The following KIF23 variants were observed in gnomAD, a reference collection of about 807,000 sequenced individuals.
KIF23 encodes kinesin-like protein KIF23.
Under a neutral mutation model 137.5 loss-of-function variants are expected in KIF23, and 30 were observed. The observed-to-expected ratio is 0.22, with a 90% CI of 0.16 to 0.30. The LOEUF (loss-of-function observed/expected upper bound fraction) is 0.30, where lower values mean the gene tolerates loss of function less well. KIF23 is among the 10% of genes least tolerant of loss of function. The probability of loss-of-function intolerance (pLI) is 1.00; values close to 1 mark genes in which losing one functional copy is unlikely to be tolerated. For missense variants in KIF23, 920 were observed against 1,194.3 expected (o/e 0.77, Z 3.38); for synonymous variants, 367 against 391.1 (o/e 0.94, Z 0.73).
intron 7 of KIF23, among the ~76,000 whole-genome samples, chr15:69,425,055 C>T (rs1447906566): frequency 6.6e-6 from 1 of 152,150 alleles, no homozygotes; most frequent in African/African-American, 2.4e-5. Flanking sequence ...AATGAACATA[C>T]AAGGGTGCTT....
Position 69,421,666 on chromosome 15 carries a change from A to T in KIF23, c.230A>T (p.Gln77Leu), listed in dbSNP as rs150290143. Residue 77 changes from glutamine to leucine, a missense_variant, in exon 4 of 24, where the codon CAA (glutamine) becomes CTA (leucine). Around this residue, in one of 4 missense-constraint regions of KIF23, gnomAD observed 124 missense variants for 122.0 expected, o/e 1.02. Coordinates refer to ENST00000679126, the MANE Select transcript of KIF23 (RefSeq NM_001367805.3). ...CCACAGACTCAGTATTCATTTAAAC[A>T]AGTATTTGGCACTCACACCACCCAG... is the stretch of plus-strand genomic sequence containing the variant. ...DYKETQYSFK[Q>L]VFGTHTTQKE... 6.2e-6 allele frequency: 10 copies of T among 1,611,930 alleles called. No homozygotes were observed. Among genetic ancestry groups the T allele is most frequent in the Non-Finnish European group, 7.6e-6 (9 of 1,178,150 alleles).
intron 19 of KIF23, 149 bp downstream of exon 19, chr15:69,441,228 A>T: frequency 3.8e-6 from 3 of 781,902 alleles, no homozygotes; most frequent in Non-Finnish European, 5.9e-6. Context: ...AGATTGACTT[A>T]CGGAAATTGA....
chr15:69,436,757 A>ATTT, intron 15 of KIF23, 35 bp downstream of exon 15: 1 of 1,359,042 alleles, frequency 7.4e-7, no homozygotes, highest in Non-Finnish European at 9.8e-7. Context: ...ATTTTATTTA[A>ATTT]TTATTTTTTT....
intron 2 of KIF23, among the ~76,000 whole-genome samples, chr15:69,416,338 A>G (rs2056906805): frequency 6.6e-6 from 1 of 152,132 alleles, no homozygotes; most frequent in Non-Finnish European, 1.5e-5. Flanking sequence ...ATAATTAAAA[A>G]TCTCCAACTG....
At chr15:69,429,848 C>G (rs2057309686) in intron 11 of KIF23, among the ~76,000 whole-genome samples, 1 of 151,912 alleles carries the variant, frequency 6.6e-6, no homozygotes, top group Admixed American at 6.6e-5. Flanking sequence ...TGATGAAACC[C>G]CATCTCTACA....
intron 19 of KIF23, among the ~76,000 whole-genome samples, chr15:69,441,950 C>T (rs2057631461): frequency 6.6e-6 from 1 of 151,896 alleles, no homozygotes; most frequent in African/African-American, 2.4e-5. Flanking sequence ...TCAGTAGAGA[C>T]AAGGTCTCAC....
At position 69,421,725 on chromosome 15, in the gene KIF23, G is replaced by A; in HGVS notation, c.289G>A (p.Val97Ile). Residue 97 changes from valine (V) to isoleucine (I), a missense_variant, in exon 4 of 24, where the codon GTC becomes ATC. Val to Ile is a conservative substitution (Grantham distance 29, BLOSUM62 3). Around this residue, in one of 4 missense-constraint regions of KIF23, gnomAD observed 124 missense variants for 122.0 expected, o/e 1.02. Transcript: ENST00000679126. Reference sequence around the variant, plus strand: ...CTTTGATGTTGTGGCTAATCCCTTGGTCAATGACCTCATTCATGGCAAAAA... The same window carrying A: ...CTTTGATGTTGTGGCTAATCCCTTGATCAATGACCTCATTCATGGCAAAAA... ...ELFDVVANPL[V>I]NDLIHGKNGL... 1 of 1,613,094 alleles carries A rather than the reference G, an allele frequency of 6.2e-7. No homozygotes were observed. Among genetic ancestry groups the A allele is most frequent in the Non-Finnish European group, 8.5e-7 (1 of 1,179,364 alleles).
intron 10 of KIF23, chr15:69,426,790 C>T (rs2057204591): frequency 4.3e-6 from 1 of 234,698 alleles, no homozygotes; most frequent in Admixed American, 5.2e-5. Context: ...ACAGTTGGTT[C>T]TCTGTATCTG....
chr15:69,434,894 C>T, intron 11 of KIF23: 1 of 717,580 alleles, frequency 1.4e-6, no homozygotes, highest in South Asian at 1.7e-5. Flanking sequence ...GCTTGCCCAT[C>T]ACCATGCCCA....
intron 13 of KIF23, 114 bp downstream of exon 13, chr15:69,435,885 T>A: frequency 7.2e-7 from 1 of 1,387,970 alleles, no homozygotes; most frequent in Admixed American, 2.2e-5. Context: ...AACCATTGAT[T>A]GTAGAAGTAA....
At chr15:69,439,283 T>G (rs2091129516) in intron 16 of KIF23, among the ~76,000 whole-genome samples, 1 of 152,114 alleles carries the variant, frequency 6.6e-6, no homozygotes, top group Non-Finnish European at 1.5e-5. Flanking sequence ...AGCTTGCTTT[T>G]GAATTTATTA....
In KIF23 at chr15:69,438,267, G is replaced by T. The variant is rs2057529099; in HGVS notation, c.1617G>T (p.Leu539Phe). 1 of 1,603,710 alleles carries T rather than the reference G, an allele frequency of 6.2e-7. No homozygotes were observed. Among genetic ancestry groups the T allele is most frequent in the Non-Finnish European group, 8.5e-7 (1 of 1,176,748 alleles). Residue 539 changes from leucine (L) to phenylalanine (F), a missense_variant, in exon 16 of 24, where the codon TTG becomes TTT. Leu to Phe is a conservative substitution (Grantham distance 22). Around this residue, in one of 4 missense-constraint regions of KIF23, gnomAD observed 714 missense variants for 866.2 expected, o/e 0.82. Transcript: ENST00000679126. ...FNKQSNAFKA[L>F]LQEFDNAVLS... ...TTTCAGCTAATGCTTTTAAAGCTTT[G>T]TTACAAGAATTTGACAATGCTGTTT...
At chr15:69,447,678 T>C in intron 23 of KIF23, 114 bp from the exon 24 acceptor site, 2 of 931,266 alleles carry the variant, frequency 2.1e-6, no homozygotes, top group Non-Finnish European at 3.3e-6. Flanking sequence ...TCAGAGGGAC[T>C]TGAATTATCT....
intron 10 of KIF23, chr15:69,427,460 A>T: frequency 2.2e-6 from 1 of 455,232 alleles, no homozygotes; most frequent in Non-Finnish European, 4.4e-6. Flanking sequence ...TAGAAGTGAT[A>T]AAATAAGACT....
chr15:69,421,930 G>A (rs2057067432), intron 4 of KIF23, 62 bp from the exon 5 acceptor site: 2 of 1,577,702 alleles, frequency 1.3e-6, no homozygotes, highest in Non-Finnish European at 8.6e-7. Flanking sequence ...CTAATGCAGT[G>A]AAGAAATACT....
intron 11 of KIF23, chr15:69,435,082 C>A: frequency 2.0e-6 from 1 of 494,576 alleles, no homozygotes; most frequent in South Asian, 3.7e-5. Context: ...TCCCCCACCC[C>A]CAGAAGCGGG....
chr15:69,447,727 T>C, intron 23 of KIF23, 65 bp from the exon 24 acceptor site: 1 of 1,511,282 alleles, frequency 6.6e-7, no homozygotes, highest in Admixed American at 1.7e-5. Context: ...TCCTAAAGAT[T>C]GATTTGCTAT....
At chr15:69,414,685 GC>G in intron 1 of KIF23, 1 of 454,720 alleles carries the variant, frequency 2.2e-6, no homozygotes, top group Non-Finnish European at 3.6e-6. Context: ...CTGCCGCGTC[GC>G]CCCCCGCCGC....
chr15:69,422,339 A>G lies in KIF23; in HGVS notation c.467A>G (p.Asn156Ser). The part of the protein sequence containing the change: ...FQAKRYVFKS[N>S]DRNSMDIQCE... ...CCCCCACTTCAGGTTTTCAAATCTA[A>G]TGATAGGAATAGTATGGATATACAG... Residue 156 changes from asparagine to serine, a missense_variant, in exon 6 of 24, where the codon AAT becomes AGT. Asn to Ser is a conservative substitution (Grantham distance 46). Coordinates refer to ENST00000679126, the MANE Select transcript of KIF23 (RefSeq NM_001367805.3). 6.3e-7 allele frequency: 1 copy of G among 1,585,278 alleles called. No homozygotes were observed. Among genetic ancestry groups the G allele is most frequent in the Non-Finnish European group, 8.6e-7 (1 of 1,164,962 alleles).
Sources: gnomAD v4.1 joint callset for allele counts (sites outside exome capture counted in the v4.1 genomes callset) on GRCh38, gnomAD v4.1.1 for gene constraint, gnomAD v4.1.1 regional missense constraint, MANE v1.5 for transcripts, NCBI Gene and HGNC (gene_info 2026-07-23, HGNC 2026-07-21) for gene names.